The following WDFY3 variants were observed in gnomAD, a reference collection of about 807,000 sequenced individuals.
WDFY3 encodes WD repeat and FYVE domain-containing protein 3.
Under a neutral mutation model 409.6 loss-of-function variants are expected in WDFY3, and 66 were observed. That is an observed-to-expected ratio of 0.16 (90% CI 0.13 to 0.20). WDFY3 has a LOEUF of 0.20. Among genes scored for constraint, WDFY3 ranks in the 10% least tolerant of loss-of-function variants. The probability of loss-of-function intolerance (pLI) is 1.00; values close to 1 mark genes in which losing one functional copy is unlikely to be tolerated. For synonymous variants in WDFY3, 1,521 were observed against 1,537.1 expected, an observed-to-expected ratio of 0.99 and a Z score of 0.25; for missense variants, 3,031 against 4,298.1, an observed-to-expected ratio of 0.71 and a Z score of 8.24.
At chr4:84,843,638 A>T (rs1018698608) in intron 5 of WDFY3, among the ~76,000 whole-genome samples, 1 of 152,094 alleles carries the variant, frequency 6.6e-6, no homozygotes, top group Non-Finnish European at 1.5e-5. Context: ...AATTCAAGTG[A>T]TCCTCCTGTC....
chr4:84,692,791 G>T, intron 59 of WDFY3, 94 bp downstream of exon 59: 1 of 1,195,168 alleles, frequency 8.4e-7, no homozygotes, highest in Non-Finnish European at 1.2e-6. Flanking sequence ...AACAAATTAT[G>T]CTATCGTCAA....
chr4:84,809,175 A>G (rs761337562), intron 14 of WDFY3: 2 of 152,194 alleles, frequency 1.3e-5, no homozygotes, highest in Non-Finnish European at 2.9e-5. Context: ...AGTGATCTAG[A>G]TGAAGTGGCT....
At chr4:84,880,232 G>A (rs1343057027) in intron 3 of WDFY3, among the ~76,000 whole-genome samples, 3 of 152,052 alleles carry the variant, frequency 2.0e-5, no homozygotes, top group Non-Finnish European at 4.4e-5. Flanking sequence ...CCCCTAGAGC[G>A]TCCAGAAAGA....
intron 57 of WDFY3, 102 bp from the exon 58 acceptor site, chr4:84,696,284 A>T: frequency 9.2e-7 from 1 of 1,081,270 alleles, no homozygotes; most frequent in Non-Finnish European, 1.3e-6. Context: ...AAATAACTAA[A>T]AATCATAAAA....
At chr4:84,965,744 C>G (rs904570922) in intron 1 of WDFY3, 1 of 152,308 alleles carries the variant, frequency 6.6e-6, no homozygotes, top group African/African-American at 2.4e-5. Flanking sequence ...CGGCTGCGCT[C>G]AGGTCCGGGT....
chr4:84,851,676 CCT>C (rs1759030933), intron 4 of WDFY3, among the ~76,000 whole-genome samples: 1 of 152,002 alleles, frequency 6.6e-6, no homozygotes, highest in Non-Finnish European at 1.5e-5. Flanking sequence ...GAAGAGAAAA[CCT>C]GATCAATCAC....
chr4:84,760,915 T>C lies in WDFY3; in HGVS notation c.5189-3754A>G, dbSNP rs1217673899. Among the ~76,000 whole-genome samples, 234 of 146,332 alleles carry C rather than the reference T, an allele frequency of 1.6e-3. 1 individual carries two copies. The highest frequency in any genetic ancestry group is 2.9e-3 in the Non-Finnish European group (195 of 66,376). On this transcript the variant is annotated intron_variant, in intron 32 of 67. Transcript: ENST00000295888. ...GTGATGTTAGGGTGTCAATTTTGGA[T>C]CTTTCCTGCTTTCTCTTGTGGGCAT... is the stretch of plus-strand genomic sequence containing the variant.
At chr4:84,936,970 A>G (rs1413541392) in intron 1 of WDFY3, among the ~76,000 whole-genome samples, 2 of 152,124 alleles carry the variant, frequency 1.3e-5, no homozygotes, top group Non-Finnish European at 2.9e-5. Flanking sequence ...CTTCCAATAA[A>G]GCAAAATCAC....
chr4:84,953,645 G>C (rs943407456), intron 1 of WDFY3, among the ~76,000 whole-genome samples: 5 of 152,006 alleles, frequency 3.3e-5, no homozygotes, highest in African/African-American at 1.2e-4. Flanking sequence ...TCAGGAGCAA[G>C]AGTAAGATTC....
chr4:84,849,453 C>T lies in WDFY3; in HGVS notation c.304+449G>A, dbSNP rs573544746. Among the ~76,000 whole-genome samples, 19 of 150,980 alleles carry T rather than the reference C, an allele frequency of 1.3e-4. No individual in the cohort carries two copies. In the East Asian group the frequency reaches 2.4e-3, roughly 19 times the overall value. On this transcript the variant is annotated intron_variant, in intron 5 of 67. Transcript: ENST00000295888. ...GAAATGAGGAAAGATTCTCCTTCCT[C>T]AGTGAAGCATTCTAAGTAAATGATT...
At chr4:84,939,410 G>A (rs770417090) in intron 1 of WDFY3, among the ~76,000 whole-genome samples, 8 of 152,086 alleles carry the variant, frequency 5.3e-5, no homozygotes, top group Admixed American at 1.3e-4. Flanking sequence ...AGTCTGTGGG[G>A]TGATGCTTTA....
intron 15 of WDFY3, among the ~76,000 whole-genome samples, chr4:84,805,535 A>C (rs1751372847): frequency 2.0e-5 from 3 of 152,180 alleles, no homozygotes; most frequent in Admixed American, 2.0e-4. Context: ...TTTTGGAATT[A>C]TGGTAAGCTT....
intron 56 of WDFY3, among the ~76,000 whole-genome samples, chr4:84,698,601 A>G (rs1407691846): frequency 6.6e-6 from 1 of 152,074 alleles, no homozygotes; most frequent in African/African-American, 2.4e-5. Flanking sequence ...GCTCTCCTCC[A>G]TGTGTATCCA....
intron 3 of WDFY3, 145 bp from the exon 4 acceptor site, chr4:84,860,767 G>T: frequency 1.3e-6 from 1 of 785,768 alleles, no homozygotes; most frequent in Non-Finnish European, 1.7e-6. Context: ...AGAAAAGACA[G>T]AGAAGCAAAA....
intron 50 of WDFY3, among the ~76,000 whole-genome samples, chr4:84,714,929 G>A (rs532554074): frequency 2.1e-5 from 3 of 144,822 alleles, no homozygotes; most frequent in East Asian, 2.0e-4. Flanking sequence ...TAGCCTGGGC[G>A]ACAGAACGAG....
intron 21 of WDFY3, 120 bp from the exon 22 acceptor site, chr4:84,790,027 T>G: frequency 9.1e-7 from 1 of 1,102,526 alleles, no homozygotes; most frequent in Non-Finnish European, 1.3e-6. Context: ...GCAGACTGAT[T>G]TGAGTAATAA....
intron 2 of WDFY3, among the ~76,000 whole-genome samples, chr4:84,897,532 G>A (rs1417610847): frequency 3.3e-5 from 5 of 151,964 alleles, no homozygotes; most frequent in Admixed American, 6.6e-5. Context: ...ACAGGTGTAC[G>A]CCACCATGCC....
chr4:84,956,569 CTG>C (rs1774264386), intron 1 of WDFY3, among the ~76,000 whole-genome samples: 2 of 152,274 alleles, frequency 1.3e-5, no homozygotes, highest in South Asian at 4.1e-4. Context: ...AATCAAACAA[CTG>C]TAATTATTTT....
At chr4:84,846,003 G>A (rs1228741970) in intron 5 of WDFY3, among the ~76,000 whole-genome samples, 1 of 151,600 alleles carries the variant, frequency 6.6e-6, no homozygotes, top group East Asian at 1.9e-4. Context: ...AATTAAATAA[G>A]TAAATAAAAT....
Sources: gnomAD v4.1 joint callset for allele counts (sites outside exome capture counted in the v4.1 genomes callset) on GRCh38, gnomAD v4.1.1 for gene constraint, MANE v1.5 for transcripts, NCBI Gene and HGNC (gene_info 2026-07-23, HGNC 2026-07-21) for gene names.